GABRB1: variants seen among roughly 807,000 people sequenced by gnomAD.
The protein encoded by GABRB1 is gamma-aminobutyric acid type A receptor subunit beta1.
GABRB1 carries 17 observed loss-of-function variants against 51.6 expected under a neutral mutation model. The observed-to-expected ratio is 0.33, with a 90% CI of 0.23 to 0.49. The LOEUF (loss-of-function observed/expected upper bound fraction) is 0.49, where lower values mean the gene tolerates loss of function less well. GABRB1 is among the 20% of genes least tolerant of loss of function. The pLI, the probability that GABRB1 is intolerant of heterozygous loss-of-function variation, is 0.99. For missense variants in GABRB1, 410 were observed against 600.6 expected (o/e 0.68, Z 3.32); for synonymous variants, 247 against 218.9 (o/e 1.13, Z -1.14).
chr4:47,251,824 C>T (rs1721998868), intron 4 of GABRB1, among the ~76,000 whole-genome samples: 1 of 152,140 alleles, frequency 6.6e-6, no homozygotes, highest in Non-Finnish European at 1.5e-5. Context: ...AAGGGCATGT[C>T]TCACTCCTGC....
At chr4:47,378,568 G>A (rs1277500304) in intron 5 of GABRB1, among the ~76,000 whole-genome samples, 3 of 152,220 alleles carry the variant, frequency 2.0e-5, no homozygotes, top group African/African-American at 7.2e-5. Flanking sequence ...CAGAGGAGGC[G>A]CCGAGAGCCA....
chr4:47,050,417 A>G (rs6828930), intron 3 of GABRB1, among the ~76,000 whole-genome samples: 77,315 of 149,456 alleles, frequency 0.52, 19,878 homozygotes, highest in African/African-American at 0.54. Flanking sequence ...GGCAACAAAT[A>G]TATGTATATA....
At chr4:47,085,270 AT>A (rs1728011273) in intron 3 of GABRB1, among the ~76,000 whole-genome samples, 1 of 152,154 alleles carries the variant, frequency 6.6e-6, no homozygotes, top group Non-Finnish European at 1.5e-5. Context: ...AATATACAAT[AT>A]TTTTCCCCTT....
Position 47,403,280 on chromosome 4 carries a change from T to A in GABRB1, c.545-38T>A, listed in dbSNP as rs1259951401. 7.5e-6 allele frequency: 12 copies of A among 1,606,962 alleles called. No homozygotes were observed. In the East Asian group the frequency reaches 2.7e-4, roughly 36 times the overall value. ...CCAGATGGTATTCAAAATGATTTCC[T>A]AAACTTTGTTTAACCGTGCTGTTTT... On this transcript the variant is annotated intron_variant, in intron 5 of 8. Transcript: ENST00000295454.
intron 4 of GABRB1, among the ~76,000 whole-genome samples, chr4:47,194,521 C>G (rs993625216): frequency 1.3e-5 from 2 of 152,120 alleles, no homozygotes; most frequent in East Asian, 3.9e-4. Context: ...CTTCTTTTTG[C>G]TCACTGAATT....
intron 4 of GABRB1, among the ~76,000 whole-genome samples, chr4:47,244,321 C>G (rs1721656293): frequency 6.6e-6 from 1 of 152,182 alleles, no homozygotes; most frequent in Non-Finnish European, 1.5e-5. Context: ...CGATGTTCAT[C>G]AGGGATATTG....
At chr4:47,039,954 C>G (rs1189957593) in intron 3 of GABRB1, among the ~76,000 whole-genome samples, 1 of 152,082 alleles carries the variant, frequency 6.6e-6, no homozygotes, top group Non-Finnish European at 1.5e-5. Flanking sequence ...TATGCACTGA[C>G]AATTTCTGAA....
intron 3 of GABRB1, among the ~76,000 whole-genome samples, chr4:47,036,371 A>G (rs1725567496): frequency 6.6e-6 from 1 of 152,172 alleles, no homozygotes; most frequent in African/African-American, 2.4e-5. Context: ...CAGTCCCCAC[A>G]TGAATTTCTC....
chr4:47,305,310 A>C (rs1724426791), intron 4 of GABRB1, among the ~76,000 whole-genome samples: 1 of 152,130 alleles, frequency 6.6e-6, no homozygotes, highest in South Asian at 2.1e-4. Context: ...TAACCAATGG[A>C]CTAAAAATGA....
rs140218871 is a variant in GABRB1, at chr4:47,178,471, C to T, written c.461+17002C>T. Among the ~76,000 whole-genome samples, 62 of 151,986 alleles carry T rather than the reference C, an allele frequency of 4.1e-4. 1 individual carries two copies. In the East Asian group the frequency reaches 9.3e-3, roughly 23 times the overall value. Reference sequence around the variant, plus strand: ...TGAAGAGGAATTTCATTCTTTTGTACGTGCTGAGACTTTTGTCATTGGATT... The same window carrying T: ...TGAAGAGGAATTTCATTCTTTTGTATGTGCTGAGACTTTTGTCATTGGATT... On this transcript the variant is annotated intron_variant, in intron 4 of 8. Transcript: ENST00000295454.
chr4:47,311,887 G>A (rs1035682653), intron 4 of GABRB1, among the ~76,000 whole-genome samples: 1 of 152,184 alleles, frequency 6.6e-6, no homozygotes. Flanking sequence ...TGCCCTCCCC[G>A]AGATTGCTGA....
In GABRB1 at chr4:47,197,620, G is replaced by A. The variant is rs146631289; in HGVS notation, c.461+36151G>A. 7.0e-4 allele frequency among the ~76,000 whole-genome samples: 107 copies of A among 152,194 alleles called. 2 individuals are homozygous for A. In the East Asian group the frequency reaches 0.017, roughly 24 times the overall value. Reference sequence around the variant, plus strand: ...CTTTCCAAGTCATATTATAACATACGTTAATATAAAAGTTATGATTCTCCC... The same window carrying A: ...CTTTCCAAGTCATATTATAACATACATTAATATAAAAGTTATGATTCTCCC... On this transcript the variant is annotated intron_variant, in intron 4 of 8. Coordinates refer to ENST00000295454, the MANE Select transcript of GABRB1 (RefSeq NM_000812.4).
At chr4:47,380,084 A>G (rs571121421) in intron 5 of GABRB1, among the ~76,000 whole-genome samples, 132 of 152,304 alleles carry the variant, frequency 8.7e-4, no homozygotes, top group Non-Finnish European at 1.8e-3. Flanking sequence ...TTATTTAATC[A>G]CTAGTATTTA....
At chr4:47,212,748 T>C (rs1720412435) in intron 4 of GABRB1, among the ~76,000 whole-genome samples, 1 of 152,162 alleles carries the variant, frequency 6.6e-6, no homozygotes, top group African/African-American at 2.4e-5. Context: ...CTTTTAATTA[T>C]TCCTATAAAA....
chr4:47,254,155 G>A (rs188640556), intron 4 of GABRB1, among the ~76,000 whole-genome samples: 1 of 152,050 alleles, frequency 6.6e-6, no homozygotes, highest in East Asian at 1.9e-4. Flanking sequence ...CAATCAAGAA[G>A]GTTGAGTCCT....
intron 4 of GABRB1, among the ~76,000 whole-genome samples, chr4:47,317,711 T>C (rs1724942516): frequency 6.6e-6 from 1 of 151,934 alleles, no homozygotes; most frequent in Non-Finnish European, 1.5e-5. Flanking sequence ...TCATCTTTCA[T>C]AATGAAAGCC....
intron 4 of GABRB1, among the ~76,000 whole-genome samples, chr4:47,266,490 A>G (rs1391457126): frequency 1.3e-5 from 2 of 152,172 alleles, no homozygotes; most frequent in African/African-American, 2.4e-5. Context: ...AAGGAATTGC[A>G]ATTAATTAAT....
chr4:47,341,625 A>C (rs12503495), intron 5 of GABRB1, among the ~76,000 whole-genome samples: 41,560 of 152,112 alleles, frequency 0.27, 6,567 homozygotes, highest in Middle Eastern at 0.4. Context: ...AACTAGAATT[A>C]GCACTTGATA....
At chr4:47,214,246 T>G (rs947691668) in intron 4 of GABRB1, among the ~76,000 whole-genome samples, 3 of 152,206 alleles carry the variant, frequency 2.0e-5, no homozygotes, top group Admixed American at 6.5e-5. Context: ...CAGTCCTCAA[T>G]GTTTACCACG....
Sources: gnomAD v4.1 joint callset for allele counts (sites outside exome capture counted in the v4.1 genomes callset) on GRCh38, gnomAD v4.1.1 for gene constraint, MANE v1.5 for transcripts, NCBI Gene and HGNC (gene_info 2026-07-23, HGNC 2026-07-21) for gene names.